The following L3MBTL4 variants were observed in gnomAD, a reference collection of about 807,000 sequenced individuals.
L3MBTL4 encodes the protein L3MBTL histone methyl-lysine binding protein 4.
In L3MBTL4, 70 loss-of-function variants were observed where a neutral mutation model predicts 84.5. The observed-to-expected ratio is 0.83, with a 90% CI of 0.68 to 1.01. The LOEUF is 1.01. Among genes scored for constraint, L3MBTL4 ranks in the 50% least tolerant of loss-of-function variants. The pLI is 0.00. For synonymous variants in L3MBTL4, 274 were observed against 259.8 expected (o/e 1.05, Z -0.52); for missense variants, 715 against 754.8 (o/e 0.95, Z 0.62).
intron 13 of L3MBTL4, among the ~76,000 whole-genome samples, chr18:6,167,367 A>G (rs1465013874): frequency 6.6e-6 from 1 of 152,228 alleles, no homozygotes; most frequent in African/African-American, 2.4e-5. Flanking sequence ...TGGCAGAGAC[A>G]CGACAAAAAA....
At chr18:6,351,464 G>C (rs906178848) in intron 1 of L3MBTL4, among the ~76,000 whole-genome samples, 14 of 152,170 alleles carry the variant, frequency 9.2e-5, no homozygotes, top group Admixed American at 7.9e-4. Flanking sequence ...ACAACAATGT[G>C]AATGTGCTTA....
intron 17 of L3MBTL4, among the ~76,000 whole-genome samples, chr18:5,961,746 G>A (rs1366517348): frequency 8.7e-6 from 1 of 115,500 alleles, no homozygotes; most frequent in Non-Finnish European, 1.8e-5. Flanking sequence ...AGTTCAGGCA[G>A]AGGAAGCCGA....
chr18:6,073,592 C>G lies in L3MBTL4; in HGVS notation c.1444+7289G>C, dbSNP rs567573514. On this transcript the variant is annotated intron_variant, in intron 16 of 18. Transcript: ENST00000317931. Reference sequence around the variant, plus strand: ...AAGAAGGAAAACTACAGATCAGCTTCTCCTGTGAACATATTTGAAACAGTC... The same window carrying G: ...AAGAAGGAAAACTACAGATCAGCTTGTCCTGTGAACATATTTGAAACAGTC... Among the ~76,000 whole-genome samples the G allele has an allele frequency of 9.2e-5, 14 of 152,294 alleles. No homozygotes were observed. In the South Asian group the frequency reaches 2.5e-3, roughly 27 times the overall value.
intron 14 of L3MBTL4, among the ~76,000 whole-genome samples, chr18:6,131,163 G>A (rs565333854): frequency 1.3e-5 from 2 of 152,174 alleles, no homozygotes; most frequent in Non-Finnish European, 2.9e-5. Context: ...AAACACCAAG[G>A]CTTCAATATC....
At chr18:6,376,320 C>T (rs1372454669) in intron 1 of L3MBTL4, among the ~76,000 whole-genome samples, 1 of 152,230 alleles carries the variant, frequency 6.6e-6, no homozygotes. Context: ...TCCACAGTAG[C>T]ACCCCCTGAC....
intron 12 of L3MBTL4, among the ~76,000 whole-genome samples, chr18:6,203,108 C>T (rs2045717862): frequency 6.6e-6 from 1 of 152,198 alleles, no homozygotes; most frequent in East Asian, 1.9e-4. Flanking sequence ...GGCCCAGGAC[C>T]AATGCCTTGG....
intron 13 of L3MBTL4, among the ~76,000 whole-genome samples, chr18:6,168,624 A>T (rs1249847138): frequency 6.6e-6 from 1 of 152,212 alleles, no homozygotes; most frequent in African/African-American, 2.4e-5. Context: ...GGCTAGCCAT[A>T]TGTAGAAAGC....
chr18:6,114,685 C>A (rs988371808), intron 14 of L3MBTL4, among the ~76,000 whole-genome samples: 1 of 152,152 alleles, frequency 6.6e-6, no homozygotes, highest in Non-Finnish European at 1.5e-5. Flanking sequence ...TTATCTGAAA[C>A]CTTTTTTCCA....
intron 1 of L3MBTL4, among the ~76,000 whole-genome samples, chr18:6,339,422 A>T (rs1422133633): frequency 3.3e-5 from 5 of 152,214 alleles, no homozygotes; most frequent in Non-Finnish European, 7.3e-5. Flanking sequence ...TCACAATAGA[A>T]ATGTGAAAAT....
chr18:6,059,039 C>A (rs911393697), intron 16 of L3MBTL4, among the ~76,000 whole-genome samples: 3 of 152,196 alleles, frequency 2.0e-5, no homozygotes, highest in African/African-American at 7.2e-5. Context: ...TAGCCAAGGA[C>A]CCTCAGCTGA....
At chr18:6,008,360 T>C (rs948046211) in intron 16 of L3MBTL4, among the ~76,000 whole-genome samples, 2 of 152,252 alleles carry the variant, frequency 1.3e-5, no homozygotes, top group East Asian at 3.9e-4. Flanking sequence ...TGACAAGAGA[T>C]GTCTGTGGGC....
At chr18:6,278,082 A>G (rs1313165851) in intron 4 of L3MBTL4, among the ~76,000 whole-genome samples, 1 of 152,128 alleles carries the variant, frequency 6.6e-6, no homozygotes, top group African/African-American at 2.4e-5. Flanking sequence ...CAAAGTTTGT[A>G]GTGCTCATTT....
chr18:5,969,378 A>G lies in L3MBTL4; in HGVS notation c.1614+15T>C. ...AGGCACACCCCAGCCCTGGCCCCCC[A>G]GCAGCTCCACTCACCTCATCCACAG... is the stretch of plus-strand genomic sequence containing the variant. On this transcript the variant is annotated intron_variant, in intron 17 of 18. Coordinates refer to ENST00000317931, the MANE Select transcript of L3MBTL4 (RefSeq NM_001330559.2). The G allele has an allele frequency of 6.2e-7, 1 of 1,613,556 alleles. No homozygotes were observed.
At chr18:6,355,540 C>T (rs533961430) in intron 1 of L3MBTL4, among the ~76,000 whole-genome samples, 1 of 152,050 alleles carries the variant, frequency 6.6e-6, no homozygotes, top group Non-Finnish European at 1.5e-5. Flanking sequence ...AAATAGATGA[C>T]TTGTCAAGAT....
At chr18:5,982,958 C>T (rs568318188) in intron 16 of L3MBTL4, among the ~76,000 whole-genome samples, 11 of 152,160 alleles carry the variant, frequency 7.2e-5, no homozygotes, top group South Asian at 2.1e-4. Context: ...CAGTAACAAC[C>T]GAGGGGCAAT....
At chr18:6,363,401 C>T (rs1160981490) in intron 1 of L3MBTL4, among the ~76,000 whole-genome samples, 2 of 152,126 alleles carry the variant, frequency 1.3e-5, no homozygotes, top group Non-Finnish European at 2.9e-5. Flanking sequence ...CACCTCCAAA[C>T]TGCAATGTTA....
At chr18:6,154,511 G>A (rs1012841621) in intron 13 of L3MBTL4, among the ~76,000 whole-genome samples, 8 of 152,160 alleles carry the variant, frequency 5.3e-5, no homozygotes, top group Admixed American at 3.3e-4. Context: ...AGAAGTCAGA[G>A]ACTACTACTC....
chr18:6,047,236 C>T (rs531309456), intron 16 of L3MBTL4, among the ~76,000 whole-genome samples: 1 of 152,028 alleles, frequency 6.6e-6, no homozygotes, highest in Admixed American at 6.6e-5. Context: ...CATCTAGTCC[C>T]AAAATTGAAC....
chr18:6,399,609 C>T (rs1343966878), intron 1 of L3MBTL4: 1 of 152,114 alleles, frequency 6.6e-6, no homozygotes, highest in Non-Finnish European at 1.5e-5. Context: ...CAGCAGTTCC[C>T]ATCTTCCCAA....
Sources: allele counts gnomAD v4.1 joint callset (sites outside exome capture counted in the v4.1 genomes callset), GRCh38; gene constraint gnomAD v4.1.1; transcripts MANE v1.5; gene names NCBI Gene and HGNC (gene_info 2026-07-23, HGNC 2026-07-21).